Variants in TEX11 observed in about 807,000 individuals in gnomAD.
The protein encoded by TEX11 is testis expressed 11.
In TEX11, 7 loss-of-function variants were observed where a neutral mutation model predicts 84.4. That is an observed-to-expected ratio of 0.08 (90% CI 0.05 to 0.16). TEX11 has a LOEUF of 0.16. Among genes scored for constraint, TEX11 ranks in the 10% least tolerant of loss-of-function variants. TEX11 has a pLI of 1.00. For synonymous variants in TEX11, 264 were observed against 222.8 expected, an observed-to-expected ratio of 1.18 and a Z score of -1.64; for missense variants, 551 against 660.5, an observed-to-expected ratio of 0.83 and a Z score of 1.82.
chrX:70,696,233 G>A lies in TEX11; in HGVS notation c.1005-13408C>T, dbSNP rs2090278907. On this transcript the variant is annotated intron_variant, in intron 13 of 29. Transcript: ENST00000374333. Reference sequence around the variant, plus strand: ...CATATGTATCCTTGAAAGTGCTCACGTATATATGTGTGTGTACGTGTGTGT... The same window carrying A: ...CATATGTATCCTTGAAAGTGCTCACATATATATGTGTGTGTACGTGTGTGT... 5.4e-5 allele frequency among the ~76,000 whole-genome samples: 6 copies of A among 111,369 alleles called. No individual in the cohort carries two copies. In the Admixed American group the frequency reaches 5.8e-4, roughly 11 times the overall value.
intron 13 of TEX11, among the ~76,000 whole-genome samples, chrX:70,708,043 G>A (rs1377522024): frequency 2.7e-5 from 3 of 109,772 alleles, no homozygotes; most frequent in African/African-American, 9.9e-5. Flanking sequence ...AATCTATAAG[G>A]AACTTTAAAA....
intron 1 of TEX11, among the ~76,000 whole-genome samples, chrX:70,908,365 A>G (rs1484902915): frequency 9.0e-6 from 1 of 110,875 alleles, no homozygotes; most frequent in East Asian, 2.8e-4. Flanking sequence ...TCCCGCTTCA[A>G]CGTAATTTAG....
At chrX:70,699,525 A>T (rs1208689066) in intron 13 of TEX11, among the ~76,000 whole-genome samples, 2 of 112,096 alleles carry the variant, frequency 1.8e-5, no homozygotes, top group South Asian at 3.7e-4. Context: ...CAAAGGATCA[A>T]ACCACAAACT....
chrX:70,664,095 T>A (rs927915642), intron 16 of TEX11, among the ~76,000 whole-genome samples: 2 of 112,247 alleles, frequency 1.8e-5, no homozygotes, highest in African/African-American at 6.5e-5. Flanking sequence ...ATATTTTCAG[T>A]CTGCGTTTGA....
chrX:70,873,549 C>T (rs940686786), intron 3 of TEX11, among the ~76,000 whole-genome samples: 1 of 111,653 alleles, frequency 9.0e-6, no homozygotes, highest in African/African-American at 3.2e-5. Context: ...GATATACCTT[C>T]ACCTGATATA....
chrX:70,902,852 C>T (rs1178153852), intron 2 of TEX11, among the ~76,000 whole-genome samples: 1 of 112,440 alleles, frequency 8.9e-6, no homozygotes, highest in African/African-American at 3.2e-5. Context: ...TGTAGTAACA[C>T]TTAGCTTAAA....
chrX:70,860,820 T>C, intron 5 of TEX11, 37 bp downstream of exon 5: 1 of 984,307 alleles, frequency 1.0e-6, no homozygotes, highest in South Asian at 2.0e-5. Context: ...AACAACCATC[T>C]CATTTCATCT....
At chrX:70,679,504 T>A in intron 14 of TEX11, among the ~76,000 whole-genome samples, 1 of 83,548 alleles carries the variant, frequency 1.2e-5, no homozygotes, top group Non-Finnish European at 2.4e-5. Context: ...GAGCGCCTCT[T>A]CCCGGCCGCC....
chrX:70,735,576 A>C (rs1451909885), intron 11 of TEX11, among the ~76,000 whole-genome samples: 1 of 112,376 alleles, frequency 8.9e-6, no homozygotes, highest in Non-Finnish European at 1.9e-5. Context: ...AAACTTATTT[A>C]TTGAAAACTA....
At chrX:70,741,429 G>A (rs1018957604) in intron 10 of TEX11, among the ~76,000 whole-genome samples, 6 of 111,204 alleles carry the variant, frequency 5.4e-5, no homozygotes, top group Admixed American at 1.9e-4. Context: ...GTTCTTGGAA[G>A]TAGAGGTGGG....
chrX:70,691,146 G>A (rs1168019094), intron 13 of TEX11, among the ~76,000 whole-genome samples: 1 of 111,967 alleles, frequency 8.9e-6, no homozygotes, highest in Non-Finnish European at 1.9e-5. Flanking sequence ...GATGGCTATT[G>A]TGAAAAAGTC....
intron 8 of TEX11, among the ~76,000 whole-genome samples, chrX:70,828,164 T>G (rs1173858451): frequency 9.0e-6 from 1 of 110,546 alleles, no homozygotes; most frequent in African/African-American, 3.3e-5. Flanking sequence ...TACCTAACTC[T>G]TCAATGCCCA....
rs1459627685 is a variant in TEX11 at position 70,568,978 on chromosome X, C to G, written c.2141-14178G>C. On this transcript the variant is annotated intron_variant, in intron 25 of 29. Coordinates refer to ENST00000374333, the MANE Select transcript of TEX11 (RefSeq NM_031276.3). ...GCCTTGTTAGATTGGGGAAGTTCTC[C>G]TGGATAATATCCTACAGAGTGTTTT... Among the ~76,000 whole-genome samples, 42 of 111,909 alleles carry G rather than the reference C, an allele frequency of 3.8e-4. 1 individual carries two copies. In the South Asian group the frequency reaches 3.8e-3, roughly 10 times the overall value.
chrX:70,705,053 A>C (rs1270334401), intron 13 of TEX11, among the ~76,000 whole-genome samples: 2 of 111,714 alleles, frequency 1.8e-5, no homozygotes, highest in East Asian at 2.8e-4. Context: ...TAAATAGGGA[A>C]TCCTTTCTCC....
In TEX11 at chrX:70,740,772, T is replaced by C; in HGVS notation, c.772A>G (p.Thr258Ala). 1 of 1,192,535 alleles carries C rather than the reference T, an allele frequency of 8.4e-7. No homozygotes were observed. The highest frequency in any genetic ancestry group is 1.1e-6 in the Non-Finnish European group (1 of 884,332). Residue 258 changes from threonine (T) to alanine (A), a missense_variant, in exon 11 of 30, where the codon ACG (threonine) becomes GCG (alanine). Coordinates refer to ENST00000374333, the MANE Select transcript of TEX11 (RefSeq NM_031276.3). Reference sequence around the variant, plus strand: ...GTGTCATCCCAATCCAAATAATTCGTGGCTAATAGCCGTAGAACTTTAGCC... The same window carrying C: ...GTGTCATCCCAATCCAAATAATTCGCGGCTAATAGCCGTAGAACTTTAGCC... The part of the protein sequence containing the change: ...MLAKVLRLLA[T>A]NYLDWDDTKY...
chrX:70,590,631 A>G (rs1183898083), intron 25 of TEX11, among the ~76,000 whole-genome samples: 1 of 112,358 alleles, frequency 8.9e-6, no homozygotes, highest in East Asian at 2.8e-4. Context: ...ACTTCAGTCT[A>G]AACCTAAAAG....
At chrX:70,568,140 A>C (rs1391052926) in intron 25 of TEX11, among the ~76,000 whole-genome samples, 1 of 111,496 alleles carries the variant, frequency 9.0e-6, no homozygotes, top group Non-Finnish European at 1.9e-5. Flanking sequence ...TGTTGAATTG[A>C]TCCCTTTACC....
intron 28 of TEX11, among the ~76,000 whole-genome samples, chrX:70,532,565 G>A (rs1288911350): frequency 1.8e-5 from 2 of 110,629 alleles, no homozygotes; most frequent in African/African-American, 3.3e-5. Context: ...GAGAAACCCC[G>A]TCTCTACTAA....
At chrX:70,810,596 GA>G (rs1194663505) in intron 8 of TEX11, among the ~76,000 whole-genome samples, 2 of 111,010 alleles carry the variant, frequency 1.8e-5, no homozygotes, top group African/African-American at 6.6e-5. Flanking sequence ...TGAACAATGA[GA>G]ACACATGGAC....
Sources: allele counts gnomAD v4.1 joint callset (sites outside exome capture counted in the v4.1 genomes callset), GRCh38; gene constraint gnomAD v4.1.1; transcripts MANE v1.5; gene names NCBI Gene and HGNC (gene_info 2026-07-23, HGNC 2026-07-21).